SLC39A11: variants seen among roughly 807,000 people sequenced by gnomAD.
The protein encoded by SLC39A11 is zinc transporter ZIP11.
Under a neutral mutation model 36.1 loss-of-function variants are expected in SLC39A11, and 33 were observed. That is an observed-to-expected ratio of 0.91 (90% confidence interval 0.69 to 1.22). The LOEUF (loss-of-function observed/expected upper bound fraction) is 1.22, where lower values mean the gene tolerates loss of function less well. SLC39A11 is among the 50% of genes most tolerant of loss of function. The pLI is 0.00. For missense variants in SLC39A11, 432 were observed against 430.3 expected, an observed-to-expected ratio of 1.00 and a Z score of -0.03; for synonymous variants, 166 against 170.3, an observed-to-expected ratio of 0.97 and a Z score of 0.20.
At chr17:72,702,667 T>C (rs1000751530) in intron 7 of SLC39A11, among the ~76,000 whole-genome samples, 1 of 152,086 alleles carries the variant, frequency 6.6e-6, no homozygotes, top group African/African-American at 2.4e-5. Context: ...CCAGGCATGG[T>C]GGCTCACAAA....
chr17:72,652,909 G>T (rs1275199536), intron 7 of SLC39A11, among the ~76,000 whole-genome samples: 1 of 152,068 alleles, frequency 6.6e-6, no homozygotes, highest in Admixed American at 6.6e-5. Flanking sequence ...AAACTCCCGG[G>T]AGATGTGGAT....
rs563029120 is a variant in SLC39A11, at chr17:72,934,381, C to A, written c.430+13371G>T. Among the ~76,000 whole-genome samples, 9 of 152,108 alleles carry A rather than the reference C, an allele frequency of 5.9e-5. No homozygotes were observed. In the East Asian group the frequency reaches 1.4e-3, roughly 23 times the overall value. On this transcript the variant is annotated intron_variant, in intron 5 of 9. Transcript: ENST00000255559. ...ATGCAGAATACAGAAAAAGAACTCT[C>A]GGGGCCGGGCACAGTGGCTCACACT...
chr17:73,005,575 C>T (rs1455579291), intron 4 of SLC39A11, among the ~76,000 whole-genome samples: 5 of 152,208 alleles, frequency 3.3e-5, no homozygotes, highest in Non-Finnish European at 7.3e-5. Context: ...GTTCTATATG[C>T]AGAGGCTCTG....
chr17:73,023,429 G>C (rs1186286275), intron 4 of SLC39A11, among the ~76,000 whole-genome samples: 1 of 152,172 alleles, frequency 6.6e-6, no homozygotes, highest in Admixed American at 6.5e-5. Context: ...TAGGAGGACT[G>C]CTTGAGCCCA....
chr17:73,065,168 G>T lies in SLC39A11; in HGVS notation c.147+19640C>A, dbSNP rs1168032309. ...GTCTGTAATCCCAGCACTTTGGGAG[G>T]CTGAGGCTGGCAGATCACTTGAGGT... On this transcript the variant is annotated intron_variant, in intron 3 of 9. Coordinates refer to ENST00000255559, the MANE Select transcript of SLC39A11 (RefSeq NM_139177.4). Among the ~76,000 whole-genome samples, 4 of 152,168 alleles carry T rather than the reference G, an allele frequency of 2.6e-5. No homozygotes were observed. In the East Asian group the frequency reaches 7.7e-4, roughly 29 times the overall value.
rs573929558 is a variant in SLC39A11 at position 73,030,179 on chromosome 17, C to T, written c.306+1377G>A. ...GAGGCGGAGCTCAGAAGATAAAGCT[C>T]ACTTGGCAGCTGGCTGCCCACCTCC... On this transcript the variant is annotated intron_variant, in intron 4 of 9. Coordinates refer to ENST00000255559, the MANE Select transcript of SLC39A11 (RefSeq NM_139177.4). Among the ~76,000 whole-genome samples the T allele has an allele frequency of 7.2e-5, 11 of 152,336 alleles. No individual in the cohort carries two copies. The East Asian group carries it at 2.1e-3, about 29-fold the overall frequency.
intron 4 of SLC39A11, among the ~76,000 whole-genome samples, chr17:73,003,489 G>A (rs578204944): frequency 3.3e-5 from 5 of 152,312 alleles, no homozygotes; most frequent in African/African-American, 9.6e-5. Flanking sequence ...CTGTTTTAGA[G>A]AGGAGGCAGA....
intron 5 of SLC39A11, among the ~76,000 whole-genome samples, chr17:72,916,987 G>A (rs2083371068): frequency 6.6e-6 from 1 of 152,162 alleles, no homozygotes; most frequent in African/African-American, 2.4e-5. Context: ...AGTTGGAGAG[G>A]GTAACAGAAA....
intron 5 of SLC39A11, among the ~76,000 whole-genome samples, chr17:72,938,466 G>A (rs545382945): frequency 6.6e-6 from 1 of 152,146 alleles, no homozygotes; most frequent in Non-Finnish European, 1.5e-5. Flanking sequence ...TCCTTATTAG[G>A]CACTTTTAGT....
intron 6 of SLC39A11, among the ~76,000 whole-genome samples, chr17:72,779,930 C>T (rs80065709): frequency 6.6e-6 from 1 of 152,134 alleles, no homozygotes; most frequent in African/African-American, 2.4e-5. Flanking sequence ...GAACCCCTAT[C>T]TGTAATCCAC....
In SLC39A11 at chr17:72,904,236, T is replaced by C. The variant is rs539584432; in HGVS notation, c.430+43516A>G. On this transcript the variant is annotated intron_variant, in intron 5 of 9. Transcript: ENST00000255559. ...ACATGTGAGTTCGAGAGCCCAGGAGTTCGAGAGCAGCCTGGACAACACAGT... is the reference window on the plus strand; with the variant it reads ...ACATGTGAGTTCGAGAGCCCAGGAGCTCGAGAGCAGCCTGGACAACACAGT... 1.4e-4 allele frequency among the ~76,000 whole-genome samples: 21 copies of C among 151,626 alleles called. 1 individual carries two copies. In the South Asian group the frequency reaches 4.4e-3, roughly 32 times the overall value.
intron 1 of SLC39A11, among the ~76,000 whole-genome samples, chr17:73,091,430 C>A (rs1383117910): frequency 6.6e-6 from 1 of 151,552 alleles, no homozygotes; most frequent in Non-Finnish European, 1.5e-5. Flanking sequence ...GGTGACAGAG[C>A]AAGGCTCTGT....
chr17:72,834,976 A>C (rs1014647338), intron 6 of SLC39A11, among the ~76,000 whole-genome samples: 3 of 152,238 alleles, frequency 2.0e-5, no homozygotes, highest in Non-Finnish European at 2.9e-5. Context: ...GAATGTCTAA[A>C]AGTTTCCCTG....
At chr17:72,720,799 G>T (rs538410784) in intron 7 of SLC39A11, among the ~76,000 whole-genome samples, 11 of 152,162 alleles carry the variant, frequency 7.2e-5, no homozygotes, top group Non-Finnish European at 1.5e-4. Flanking sequence ...CATAGACCCA[G>T]TTGATGAAAG....
intron 7 of SLC39A11, among the ~76,000 whole-genome samples, chr17:72,656,431 C>G (rs1000574661): frequency 8.5e-5 from 13 of 152,056 alleles, no homozygotes; most frequent in African/African-American, 3.1e-4. Context: ...CTGAGAGCAA[C>G]AAGGCAGAGA....
At chr17:73,087,720 C>T (rs1251486871) in intron 2 of SLC39A11, among the ~76,000 whole-genome samples, 3 of 151,866 alleles carry the variant, frequency 2.0e-5, no homozygotes, top group African/African-American at 7.3e-5. Flanking sequence ...GAGAGATAGG[C>T]TGTGGGGCCA....
At chr17:72,661,737 C>G (rs1472139047) in intron 7 of SLC39A11, among the ~76,000 whole-genome samples, 1 of 152,126 alleles carries the variant, frequency 6.6e-6, no homozygotes, top group Non-Finnish European at 1.5e-5. Context: ...AGGGATCTTC[C>G]CCCACCCTCT....
chr17:72,885,314 T>C (rs190258089), intron 5 of SLC39A11, among the ~76,000 whole-genome samples: 64 of 116,996 alleles, frequency 5.5e-4, no homozygotes, highest in African/African-American at 2.8e-3. Context: ...AATCAAGCAT[T>C]GGTTCTGTGC....
chr17:72,729,440 TA>T (rs2074105756), intron 7 of SLC39A11, among the ~76,000 whole-genome samples: 9 of 5,310 alleles, frequency 1.7e-3, no homozygotes, highest in Non-Finnish European at 2.2e-3. Flanking sequence ...TATATATATA[TA>T]TATATATATA....
Sources: gnomAD v4.1 joint callset for allele counts (sites outside exome capture counted in the v4.1 genomes callset) on GRCh38, gnomAD v4.1.1 for gene constraint, MANE v1.5 for transcripts, NCBI Gene and HGNC (gene_info 2026-07-23, HGNC 2026-07-21) for gene names.